DPP6: variants seen among roughly 807,000 people sequenced by gnomAD.
DPP6 encodes the protein dipeptidyl peptidase like 6.
In DPP6, 69 loss-of-function variants were observed where a neutral mutation model predicts 122.6. That is an observed-to-expected ratio of 0.56 (90% CI 0.46 to 0.69). The LOEUF (loss-of-function observed/expected upper bound fraction) is 0.69. DPP6 is among the 30% of genes least tolerant of loss of function. The pLI is 0.00. For synonymous variants in DPP6, 418 were observed against 433.1 expected (o/e 0.97, Z 0.43); for missense variants, 928 against 1,116.9 (o/e 0.83, Z 2.41).
At position 154,645,870 on chromosome 7, in the gene DPP6, T is replaced by A. The variant is rs570808604; in HGVS notation, c.680+7997T>A. Among the ~76,000 whole-genome samples, 10 of 151,398 alleles carry A rather than the reference T, an allele frequency of 6.6e-5. No individual in the cohort carries two copies. The East Asian group carries it at 2.0e-3, about 30-fold the overall frequency. On this transcript the variant is annotated intron_variant, in intron 6 of 25. Transcript: ENST00000377770. The stretch of plus-strand genomic sequence containing the variant: ...GGTGAAACCCTGTCTCTACTAAAAA[T>A]ACAAAAAATTAGCCAGGCATGGTGG...
intron 5 of DPP6, among the ~76,000 whole-genome samples, chr7:154,576,722 C>G (rs1222653681): frequency 6.6e-6 from 1 of 152,112 alleles, no homozygotes; most frequent in Non-Finnish European, 1.5e-5. Context: ...ATACCAGGCT[C>G]TTGGGGGAGG....
intron 1 of DPP6, among the ~76,000 whole-genome samples, chr7:153,963,091 TC>T (rs1308910807): frequency 1.3e-5 from 2 of 152,296 alleles, no homozygotes; most frequent in Middle Eastern, 3.4e-3. Flanking sequence ...TAAGACAACC[TC>T]CTAAGAACCC....
chr7:154,762,176 T>C (rs1156871040), intron 8 of DPP6, among the ~76,000 whole-genome samples: 1 of 152,182 alleles, frequency 6.6e-6, no homozygotes, highest in Admixed American at 6.5e-5. Context: ...GGGACACACA[T>C]CTGAACTATA....
At chr7:154,053,309 G>A (rs1351207580) in intron 1 of DPP6, among the ~76,000 whole-genome samples, 1 of 152,080 alleles carries the variant, frequency 6.6e-6, no homozygotes, top group Admixed American at 6.5e-5. Context: ...CGGGGTTTGG[G>A]TACTGCGCCT....
chr7:153,980,527 T>C (rs1178133160), intron 1 of DPP6, among the ~76,000 whole-genome samples: 1 of 152,200 alleles, frequency 6.6e-6, no homozygotes, highest in Non-Finnish European at 1.5e-5. Flanking sequence ...TTTGAAGGGT[T>C]TTTTGTGTGT....
intron 1 of DPP6, among the ~76,000 whole-genome samples, chr7:154,165,650 A>G (rs1299088942): frequency 6.6e-6 from 1 of 151,836 alleles, no homozygotes; most frequent in Non-Finnish European, 1.5e-5. Flanking sequence ...CTATTTCTCC[A>G]CATCCTCTCC....
chr7:153,876,987 T>TA, the DPP6 span, among the ~76,000 whole-genome samples: 1 of 152,090 alleles, frequency 6.6e-6, no homozygotes, highest in Non-Finnish European at 1.5e-5. Flanking sequence ...TTCTGTAACT[T>TA]AGAGTTGCTC....
rs1356366321 is a variant in DPP6, at chr7:154,383,992, G to A, written c.244-62222G>A. On this transcript the variant is annotated intron_variant, in intron 1 of 25. Coordinates refer to ENST00000377770, the MANE Select transcript of DPP6 (RefSeq NM_130797.4). ...AACTCCTCTGCAAGAGCCTGAGTCTGCCCAGCATCACGGTGATGGCCTCCA... is the reference window on the plus strand; with the variant it reads ...AACTCCTCTGCAAGAGCCTGAGTCTACCCAGCATCACGGTGATGGCCTCCA... 1.3e-5 allele frequency among the ~76,000 whole-genome samples: 2 copies of A among 152,038 alleles called. 1 individual carries two copies. The highest frequency in any genetic ancestry group is 6.8e-3 in the Middle Eastern group (2 of 294).
intron 1 of DPP6, among the ~76,000 whole-genome samples, chr7:154,264,925 AATG>A (rs1166864326): frequency 7.3e-6 from 1 of 137,472 alleles, no homozygotes; most frequent in African/African-American, 2.8e-5. Context: ...TGATGGTGTT[AATG>A]ATGTTAATGA....
chr7:154,830,127 T>C (rs1437039261), intron 16 of DPP6, among the ~76,000 whole-genome samples: 1 of 152,228 alleles, frequency 6.6e-6, no homozygotes, highest in Non-Finnish European at 1.5e-5. Flanking sequence ...TGATGATTTT[T>C]TTGAGTCTTC....
chr7:154,832,786 T>C (rs994181045), intron 16 of DPP6, among the ~76,000 whole-genome samples: 1 of 152,152 alleles, frequency 6.6e-6, no homozygotes, highest in Non-Finnish European at 1.5e-5. Context: ...GTACTGCACA[T>C]TTGTGCTTCT....
intron 10 of DPP6, among the ~76,000 whole-genome samples, chr7:154,776,499 T>G (rs538061125): frequency 6.6e-6 from 1 of 152,320 alleles, no homozygotes; most frequent in South Asian, 2.1e-4. Flanking sequence ...GTGGAATTTT[T>G]AGATACTTTT....
the DPP6 span, among the ~76,000 whole-genome samples, chr7:153,855,552 C>T: frequency 6.6e-6 from 1 of 152,136 alleles, no homozygotes; most frequent in Non-Finnish European, 1.5e-5. Context: ...ATTCTCTATT[C>T]TTTTTCACAT....
chr7:154,559,445 A>G (rs529117839), intron 4 of DPP6, among the ~76,000 whole-genome samples: 1 of 152,174 alleles, frequency 6.6e-6, no homozygotes, highest in East Asian at 1.9e-4. Flanking sequence ...TGAAGAGAGA[A>G]AAGAAGATAA....
At chr7:154,197,760 G>T (rs1798942699) in intron 1 of DPP6, among the ~76,000 whole-genome samples, 2 of 152,190 alleles carry the variant, frequency 1.3e-5, no homozygotes, top group Admixed American at 1.3e-4. Flanking sequence ...AATTAATATA[G>T]ATTATGTCAC....
intron 17 of DPP6, chr7:154,858,593 G>C (rs376076028): frequency 3.9e-5 from 6 of 152,402 alleles, no homozygotes; most frequent in Admixed American, 6.5e-5. Context: ...TGGGGTGAGC[G>C]TGCGGCACGG....
the DPP6 span, among the ~76,000 whole-genome samples, chr7:153,764,559 G>A: frequency 6.6e-6 from 1 of 151,938 alleles, no homozygotes; most frequent in Non-Finnish European, 1.5e-5. Flanking sequence ...GGTCTCTCTG[G>A]ATGTGACAAA....
chr7:153,912,192 A>T (rs1199523259), intron 1 of DPP6, among the ~76,000 whole-genome samples: 1 of 152,216 alleles, frequency 6.6e-6, no homozygotes, highest in African/African-American at 2.4e-5. Context: ...CCACTGAAGA[A>T]GTTCAGAGAA....
chr7:154,437,949 A>T (rs1208991314), intron 1 of DPP6, among the ~76,000 whole-genome samples: 1 of 151,122 alleles, frequency 6.6e-6, no homozygotes, highest in African/African-American at 2.4e-5. Flanking sequence ...AATAACATAA[A>T]AATAAAATAA....
Sources: gnomAD v4.1 joint callset for allele counts (sites outside exome capture counted in the v4.1 genomes callset) on GRCh38, gnomAD v4.1.1 for gene constraint, MANE v1.5 for transcripts, NCBI Gene and HGNC (gene_info 2026-07-23, HGNC 2026-07-21) for gene names.